Variants in GRK5 observed in about 807,000 individuals in gnomAD.
GRK5 encodes the protein g protein-coupled receptor kinase GRK5.
GRK5 carries 40 observed loss-of-function variants against 78.4 expected under a neutral mutation model. That is an observed-to-expected ratio of 0.51 (90% CI 0.40 to 0.66). The LOEUF is 0.66. Among genes scored for constraint, GRK5 ranks in the 30% least tolerant of loss-of-function variants. The probability of loss-of-function intolerance (pLI) is 0.00; values close to 1 mark genes in which losing one functional copy is unlikely to be tolerated. For synonymous variants in GRK5, 289 were observed against 296.8 expected (o/e 0.97, Z 0.27); for missense variants, 598 against 759.9 (o/e 0.79, Z 2.50).
intron 1 of GRK5, among the ~76,000 whole-genome samples, chr10:119,223,073 C>T (rs1848682279): frequency 6.6e-6 from 1 of 152,196 alleles, no homozygotes; most frequent in South Asian, 2.1e-4. Context: ...TTCTGGAGGC[C>T]AGACGTTTGA....
chr10:119,240,187 G>A (rs753368492), intron 1 of GRK5, among the ~76,000 whole-genome samples: 145 of 117,410 alleles, frequency 1.2e-3, no homozygotes, highest in Non-Finnish European at 2.2e-3. Context: ...TCTGTTTCCC[G>A]ACTTTTTTTT....
intron 4 of GRK5, among the ~76,000 whole-genome samples, chr10:119,421,814 G>A (rs183464184): frequency 2.0e-5 from 3 of 152,326 alleles, no homozygotes; most frequent in African/African-American, 7.2e-5. Context: ...CCTGCAGAGA[G>A]GGCTGGACCT....
chr10:119,397,944 C>G (rs1852084298), intron 4 of GRK5, among the ~76,000 whole-genome samples: 1 of 152,246 alleles, frequency 6.6e-6, no homozygotes, highest in African/African-American at 2.4e-5. Context: ...CCATGCACTT[C>G]TCTTTCTGTG....
intron 13 of GRK5, among the ~76,000 whole-genome samples, chr10:119,450,502 CG>C (rs1853256196): frequency 6.6e-6 from 1 of 152,190 alleles, no homozygotes; most frequent in Non-Finnish European, 1.5e-5. Context: ...GGGAGAGTAG[CG>C]GGGCCTCCGT....
In GRK5 at chr10:119,301,108, GA is replaced by G. The variant is rs547790250; in HGVS notation, c.53-25396del. ...AATAGAGGGAGACTCAGTCCCAAAA[GA>G]AAAAAAAAAAAGTGCAGAACCCATA... On this transcript the variant is annotated intron_variant, in intron 1 of 15. Transcript: ENST00000392870. Among the ~76,000 whole-genome samples the G allele has an allele frequency of 3.4e-3, 479 of 141,410 alleles. 3 individuals carry two copies. The highest frequency in any genetic ancestry group is 0.018 in the Middle Eastern group (5 of 276). 92.8% of individuals were successfully genotyped at this position (141,410 alleles called of 152,430 possible).
At chr10:119,352,797 G>A (rs891530706) in intron 2 of GRK5, among the ~76,000 whole-genome samples, 23 of 152,294 alleles carry the variant, frequency 1.5e-4, no homozygotes, top group African/African-American at 5.5e-4. Context: ...TGCAATTAGA[G>A]CAAGAGCCCA....
At chr10:119,229,832 T>A (rs1470449057) in intron 1 of GRK5, among the ~76,000 whole-genome samples, 1 of 152,106 alleles carries the variant, frequency 6.6e-6, no homozygotes, top group African/African-American at 2.4e-5. Context: ...GAAGGAGGCT[T>A]TATAGAGATA....
chr10:119,302,651 T>C (rs1208704252), intron 1 of GRK5, among the ~76,000 whole-genome samples: 1 of 152,208 alleles, frequency 6.6e-6, no homozygotes, highest in Non-Finnish European at 1.5e-5. Flanking sequence ...CAAGCCAGCC[T>C]ACCTGGTGGT....
chr10:119,396,141 C>T (rs1852048790), intron 3 of GRK5, among the ~76,000 whole-genome samples: 1 of 152,224 alleles, frequency 6.6e-6, no homozygotes, highest in Non-Finnish European at 1.5e-5. Flanking sequence ...AGGCCAAGAG[C>T]TTGATCACTT....
chr10:119,282,485 C>T (rs577730146), intron 1 of GRK5, among the ~76,000 whole-genome samples: 1 of 152,250 alleles, frequency 6.6e-6, no homozygotes, highest in South Asian at 2.1e-4. Context: ...CCCTCACCAA[C>T]CTGATGTGTC....
chr10:119,213,857 G>A (rs1164601490), intron 1 of GRK5, among the ~76,000 whole-genome samples: 2 of 152,210 alleles, frequency 1.3e-5, no homozygotes, highest in Admixed American at 6.5e-5. Context: ...TCAGCATTTG[G>A]TTGTTGAAGG....
At position 119,459,536 on chromosome 10, in the gene GRK5, A is replaced by G. The variant is rs909395358; in HGVS notation, c.*4469A>G. 1.3e-5 allele frequency: 2 copies of G among 152,212 alleles called. No individual in the cohort carries two copies. Among genetic ancestry groups the G allele is most frequent in the African/African-American group, 4.8e-5 (2 of 41,448 alleles). The allele number at this position is 152,212 out of a possible 1,614,324, so 9.4% of individuals were successfully genotyped here. Reference sequence around the variant, plus strand: ...TTGTTAAAATAATAAGAATCCTTCTAGCATCCAAAGCTTTCTAATTTTTTT... The same window carrying G: ...TTGTTAAAATAATAAGAATCCTTCTGGCATCCAAAGCTTTCTAATTTTTTT... On this transcript the variant is annotated 3_prime_UTR_variant, in exon 16 of 16. Transcript: ENST00000392870.
intron 5 of GRK5, 96 bp from the exon 6 acceptor site, chr10:119,424,897 C>T (rs1852642020): frequency 2.4e-6 from 2 of 841,272 alleles, no homozygotes; most frequent in Admixed American, 1.7e-5. Flanking sequence ...TTGAGAGGCC[C>T]TGTTTACTTG....
chr10:119,215,254 C>A (rs1241983191), intron 1 of GRK5, among the ~76,000 whole-genome samples: 1 of 152,116 alleles, frequency 6.6e-6, no homozygotes, highest in Non-Finnish European at 1.5e-5. Flanking sequence ...TGGCTAGTGG[C>A]CATTGTATTG....
chr10:119,245,914 G>A (rs1849101307), intron 1 of GRK5, among the ~76,000 whole-genome samples: 1 of 151,156 alleles, frequency 6.6e-6, no homozygotes, highest in African/African-American at 2.4e-5. Context: ...CAGCTACTCG[G>A]GAGGCTGAGG....
intron 2 of GRK5, among the ~76,000 whole-genome samples, chr10:119,375,243 C>T (rs1281562855): frequency 2.0e-5 from 3 of 152,216 alleles, no homozygotes; most frequent in Non-Finnish European, 4.4e-5. Flanking sequence ...GCAGGTCCTC[C>T]TGGCATCTCA....
At chr10:119,296,775 T>C (rs893905678) in intron 1 of GRK5, among the ~76,000 whole-genome samples, 8 of 152,238 alleles carry the variant, frequency 5.3e-5, no homozygotes, top group African/African-American at 1.9e-4. Flanking sequence ...ATATAATCTT[T>C]ATTTTCTAGA....
rs139860092 is a variant in GRK5 at position 119,252,547 on chromosome 10, T to C, written c.52+44578T>C. Among the ~76,000 whole-genome samples, 123 of 152,236 alleles carry C rather than the reference T, an allele frequency of 8.1e-4. 2 individuals carry two copies. The highest frequency in any genetic ancestry group is 2.4e-3 in the African/African-American group (99 of 41,530). On this transcript the variant is annotated intron_variant, in intron 1 of 15. Coordinates refer to ENST00000392870, the MANE Select transcript of GRK5 (RefSeq NM_005308.3). ...CTCGAGACCTGGGCATGGTTTTAGT[T>C]CTACCCCGGGTAGCAGCACGATCTT...
intron 1 of GRK5, among the ~76,000 whole-genome samples, chr10:119,295,122 G>A (rs562808923): frequency 1.6e-3 from 239 of 150,994 alleles, no homozygotes; most frequent in Non-Finnish European, 2.4e-3. Flanking sequence ...CCTGGGAGGC[G>A]GAGGTTGCAG....
Sources: gnomAD v4.1 joint callset for allele counts (sites outside exome capture counted in the v4.1 genomes callset) on GRCh38, gnomAD v4.1.1 for gene constraint, MANE v1.5 for transcripts, NCBI Gene and HGNC (gene_info 2026-07-23, HGNC 2026-07-21) for gene names.